The following RANBP2 variants were observed in gnomAD, a reference collection of about 807,000 sequenced individuals.
RANBP2 encodes the protein RAN binding protein 2.
A neutral mutation model predicts 303.6 loss-of-function variants in RANBP2; 57 were observed. The ratio of observed to expected loss-of-function variants is 0.19; its 90% CI spans 0.15 to 0.23. The LOEUF (loss-of-function observed/expected upper bound fraction) is 0.23. RANBP2 is among the 10% of genes least tolerant of loss of function. The probability of loss-of-function intolerance (pLI) is 1.00; values close to 1 mark genes in which losing one functional copy is unlikely to be tolerated. For missense variants in RANBP2, 3,138 were observed against 3,780.8 expected, an observed-to-expected ratio of 0.83 and a Z score of 4.46; for synonymous variants, 1,167 against 1,301.5, an observed-to-expected ratio of 0.90 and a Z score of 2.23.
chr2:109,276,457 G>A, the RANBP2 span, among the ~76,000 whole-genome samples: 44 of 152,270 alleles, frequency 2.9e-4, no homozygotes, highest in Non-Finnish European at 1.5e-5. Context: ...GACCCAGGGA[G>A]GGCAAGAAGC....
At chr2:108,844,131 G>A in the RANBP2 span, among the ~76,000 whole-genome samples, 1 of 151,926 alleles carries the variant, frequency 6.6e-6, no homozygotes, top group Non-Finnish European at 1.5e-5. Flanking sequence ...AAAGTGCCGG[G>A]AGTGCAACCG....
chr2:109,595,699 G>C, the RANBP2 span, among the ~76,000 whole-genome samples: 1 of 152,208 alleles, frequency 6.6e-6, no homozygotes, highest in African/African-American at 2.4e-5. Flanking sequence ...CTTGGAGAAA[G>C]TACAGTAAGT....
chr2:109,023,582 C>T, the RANBP2 span, among the ~76,000 whole-genome samples: 1 of 152,112 alleles, frequency 6.6e-6, no homozygotes, highest in Non-Finnish European at 1.5e-5. Flanking sequence ...GTGGGAGGAT[C>T]TCTTGAGGCT....
the RANBP2 span, among the ~76,000 whole-genome samples, chr2:109,326,035 T>G: frequency 1.1e-4 from 16 of 152,262 alleles, no homozygotes; most frequent in Non-Finnish European, 2.1e-4. Flanking sequence ...CTAAGAAATG[T>G]GGAGACCTAG....
the RANBP2 span, among the ~76,000 whole-genome samples, chr2:109,118,437 C>T: frequency 0.01 from 1,554 of 151,016 alleles, 8 homozygotes; most frequent in Non-Finnish European, 0.015. Context: ...CTGACCCAAA[C>T]GACGGATGAA....
chr2:109,433,464 G>A, the RANBP2 span, among the ~76,000 whole-genome samples: 498 of 152,348 alleles, frequency 3.3e-3, 3 homozygotes, highest in Non-Finnish European at 4.9e-3. Flanking sequence ...CCACAGCTTG[G>A]TGATATCAGT....
intron 28 of RANBP2, 102 bp downstream of exon 28, chr2:108,782,964 T>G: frequency 2.8e-6 from 3 of 1,089,738 alleles, no homozygotes; most frequent in Non-Finnish European, 4.1e-6. Flanking sequence ...GTAGTTTTGT[T>G]AAAGATTTCT....
At chr2:109,084,702 C>A in the RANBP2 span, among the ~76,000 whole-genome samples, 1 of 152,182 alleles carries the variant, frequency 6.6e-6, no homozygotes, top group Admixed American at 6.5e-5. Context: ...AGGAACAACA[C>A]AAAGGGCGTT....
At chr2:109,131,962 C>T in the RANBP2 span, among the ~76,000 whole-genome samples, 1 of 152,202 alleles carries the variant, frequency 6.6e-6, no homozygotes, top group Non-Finnish European at 1.5e-5. Flanking sequence ...TTAGGTCCAG[C>T]ACATGCTTCG....
At chr2:109,557,295 T>C in the RANBP2 span, among the ~76,000 whole-genome samples, 1 of 152,206 alleles carries the variant, frequency 6.6e-6, no homozygotes, top group Admixed American at 6.5e-5. Context: ...TATATCTACC[T>C]GGTGAAGAGA....
the RANBP2 span, among the ~76,000 whole-genome samples, chr2:109,612,661 A>G: frequency 6.6e-6 from 1 of 152,232 alleles, no homozygotes; most frequent in Non-Finnish European, 1.5e-5. Flanking sequence ...TAATCTATGA[A>G]TCAAAGAATT....
chr2:108,891,525 C>T, the RANBP2 span, among the ~76,000 whole-genome samples: 3 of 152,124 alleles, frequency 2.0e-5, no homozygotes, highest in African/African-American at 7.2e-5. Flanking sequence ...GATTGGGATG[C>T]CAAATGGGCC....
At chr2:109,647,910 C>T in the RANBP2 span, among the ~76,000 whole-genome samples, 1 of 152,248 alleles carries the variant, frequency 6.6e-6, no homozygotes, top group Non-Finnish European at 1.5e-5. Context: ...TGCCCGTTAG[C>T]TGCCTCACTC....
At chr2:109,635,880 T>C in the RANBP2 span, among the ~76,000 whole-genome samples, 1 of 152,246 alleles carries the variant, frequency 6.6e-6, no homozygotes, top group Non-Finnish European at 1.5e-5. Context: ...GTATTACGGT[T>C]ATTAAGTGCT....
the RANBP2 span, chr2:109,543,808 A>C: frequency 8.6e-6 from 2 of 232,216 alleles, no homozygotes; most frequent in East Asian, 2.3e-4. Flanking sequence ...GTACAAGCTG[A>C]GTATCCCTTA....
intron 7 of RANBP2, among the ~76,000 whole-genome samples, chr2:108,742,798 AT>A (rs1434343022): frequency 6.6e-6 from 1 of 151,590 alleles, no homozygotes; most frequent in African/African-American, 2.4e-5. Flanking sequence ...ATTTTTATTT[AT>A]TTTTTTTGAG....
chr2:109,506,109 CAG>C, the RANBP2 span, among the ~76,000 whole-genome samples: 1 of 152,200 alleles, frequency 6.6e-6, no homozygotes, highest in Non-Finnish European at 1.5e-5. Context: ...CAGTGGGAGT[CAG>C]GGCATTATCT....
At chr2:109,726,259 G>A in the RANBP2 span, among the ~76,000 whole-genome samples, 1 of 151,772 alleles carries the variant, frequency 6.6e-6, no homozygotes, top group Non-Finnish European at 1.5e-5. Context: ...AAATACAAGA[G>A]TAGCGGGGTG....
At chr2:108,985,945 T>C in the RANBP2 span, among the ~76,000 whole-genome samples, 1 of 152,160 alleles carries the variant, frequency 6.6e-6, no homozygotes, top group Non-Finnish European at 1.5e-5. Context: ...ACACTTCAGG[T>C]TGTAGGATCC....
Sources: gnomAD v4.1 joint callset for allele counts (sites outside exome capture counted in the v4.1 genomes callset) on GRCh38, gnomAD v4.1.1 for gene constraint, MANE v1.5 for transcripts, NCBI Gene and HGNC (gene_info 2026-07-23, HGNC 2026-07-21) for gene names.